ROBO1: variants seen among roughly 807,000 people sequenced by gnomAD.
ROBO1 encodes the protein roundabout homolog 1.
Under a neutral mutation model 195.9 loss-of-function variants are expected in ROBO1, and 149 were observed. The observed-to-expected ratio is 0.76, with a 90% confidence interval of 0.67 to 0.87. ROBO1 has a LOEUF of 0.87. Among genes scored for constraint, ROBO1 ranks in the 40% least tolerant of loss-of-function variants. The probability of loss-of-function intolerance (pLI) is 0.00; values close to 1 mark genes in which losing one functional copy is unlikely to be tolerated. For synonymous variants in ROBO1, 816 were observed against 733.2 expected, an observed-to-expected ratio of 1.11 and a Z score of -1.82; for missense variants, 1,933 against 2,068.3, an observed-to-expected ratio of 0.93 and a Z score of 1.27.
intron 5 of ROBO1, among the ~76,000 whole-genome samples, chr3:78,723,316 C>T (rs1162050361): frequency 6.6e-6 from 1 of 152,054 alleles, no homozygotes; most frequent in Non-Finnish European, 1.5e-5. Context: ...TATCATATAG[C>T]CTAGGAGTGT....
chr3:78,616,770 T>C (rs1174708943), intron 27 of ROBO1, among the ~76,000 whole-genome samples: 1 of 152,150 alleles, frequency 6.6e-6, no homozygotes, highest in Non-Finnish European at 1.5e-5. Flanking sequence ...AAAATATGTA[T>C]GGGAATGTAT....
chr3:79,584,268 AT>A (rs1943749359), intron 2 of ROBO1, among the ~76,000 whole-genome samples: 2 of 99,408 alleles, frequency 2.0e-5, no homozygotes, highest in Admixed American at 1.8e-4. Context: ...ATATATATAT[AT>A]ATATATATAT....
intron 2 of ROBO1, among the ~76,000 whole-genome samples, chr3:79,501,584 T>G (rs1465936625): frequency 6.6e-6 from 1 of 152,184 alleles, no homozygotes; most frequent in Non-Finnish European, 1.5e-5. Flanking sequence ...TTCAACAGGG[T>G]TGCCTCCCTA....
Position 78,987,114 on chromosome 3 carries a change from G to GA in ROBO1, c.173-48188dup, listed in dbSNP as rs1227554977. 2.9e-3 allele frequency among the ~76,000 whole-genome samples: 308 copies of GA among 105,656 alleles called. 3 individuals carry two copies. The highest frequency in any genetic ancestry group is 3.7e-3 in the Non-Finnish European group (200 of 54,352). The allele number at this position is 105,656 out of a possible 152,430, so 69.3% of individuals were successfully genotyped here. A position where few individuals can be genotyped will look rare whatever the true frequency, so the allele number is the denominator to read the frequency against. ...ACGAAGTACTCTAAGTTTCTGGAAG[G>GA]AAAAAAAAAAACTGCTTTTTTTTTT... On this transcript the variant is annotated intron_variant, in intron 3 of 30. Transcript: ENST00000464233.
chr3:79,391,553 C>G (rs972280343), intron 2 of ROBO1, among the ~76,000 whole-genome samples: 2 of 152,026 alleles, frequency 1.3e-5, no homozygotes, highest in African/African-American at 4.8e-5. Flanking sequence ...CCATCTCCAT[C>G]CCAACACTAT....
intron 4 of ROBO1, among the ~76,000 whole-genome samples, chr3:78,853,464 T>G (rs1017106644): frequency 8.9e-5 from 13 of 146,086 alleles, no homozygotes; most frequent in African/African-American, 1.6e-4. Context: ...ATGTGTGGGG[T>G]GTGTGTGTGT....
At chr3:79,470,074 T>G (rs532042102) in intron 2 of ROBO1, among the ~76,000 whole-genome samples, 21 of 152,280 alleles carry the variant, frequency 1.4e-4, no homozygotes, top group Admixed American at 5.9e-4. Flanking sequence ...GTTACATATG[T>G]ATACTAAATC....
chr3:78,765,368 T>TA (rs1160744033), intron 4 of ROBO1, among the ~76,000 whole-genome samples: 1 of 151,864 alleles, frequency 6.6e-6, no homozygotes, highest in African/African-American at 2.4e-5. Context: ...AAATATTTTT[T>TA]AAAAAAATAT....
At chr3:78,612,511 A>G (rs901940599) in intron 28 of ROBO1, among the ~76,000 whole-genome samples, 1 of 152,216 alleles carries the variant, frequency 6.6e-6, no homozygotes, top group Non-Finnish European at 1.5e-5. Context: ...TCTACGTCAT[A>G]ACCACTGCCA....
intron 4 of ROBO1, among the ~76,000 whole-genome samples, chr3:78,811,654 T>C (rs1033185): frequency 0.26 from 40,257 of 151,952 alleles, 5,518 homozygotes; most frequent in Non-Finnish European, 0.28. Context: ...ACACTCTATA[T>C]TCCAGGCCCA....
intron 2 of ROBO1, among the ~76,000 whole-genome samples, chr3:79,244,769 T>G (rs1559761019): frequency 6.6e-6 from 1 of 152,102 alleles, no homozygotes; most frequent in Non-Finnish European, 1.5e-5. Context: ...TGTATTTGAA[T>G]AAAATATTAC....
At chr3:78,830,630 G>C (rs1405438963) in intron 4 of ROBO1, among the ~76,000 whole-genome samples, 1 of 152,150 alleles carries the variant, frequency 6.6e-6, no homozygotes, top group East Asian at 1.9e-4. Flanking sequence ...ACTATCATGA[G>C]AGCAGGATTG....
intron 3 of ROBO1, among the ~76,000 whole-genome samples, chr3:79,094,552 TA>T (rs1438931654): frequency 6.6e-6 from 1 of 152,142 alleles, no homozygotes; most frequent in Non-Finnish European, 1.5e-5. Flanking sequence ...CAATGAAGAT[TA>T]AAAAATAATG....
At chr3:79,535,320 C>A (rs193076474) in intron 2 of ROBO1, among the ~76,000 whole-genome samples, 2 of 152,284 alleles carry the variant, frequency 1.3e-5, no homozygotes, top group African/African-American at 4.8e-5. Context: ...TTCCACAACA[C>A]TCTGCAGATG....
intron 3 of ROBO1, among the ~76,000 whole-genome samples, chr3:78,957,178 A>G (rs1394227187): frequency 2.0e-5 from 3 of 151,970 alleles, no homozygotes; most frequent in Non-Finnish European, 4.4e-5. Context: ...TTTTTGGGAA[A>G]ATATGGAGAA....
At chr3:78,696,738 A>AT (rs71965648) in intron 8 of ROBO1, among the ~76,000 whole-genome samples, 2 of 135,294 alleles carry the variant, frequency 1.5e-5, no homozygotes, top group African/African-American at 6.7e-5. Context: ...GTATATATAC[A>AT]TATATATATA....
intron 1 of ROBO1, among the ~76,000 whole-genome samples, chr3:79,761,204 C>T (rs1284909409): frequency 2.0e-5 from 3 of 148,530 alleles, no homozygotes; most frequent in African/African-American, 7.4e-5. Context: ...CACTATATTG[C>T]AATGAATATG....
intron 2 of ROBO1, among the ~76,000 whole-genome samples, chr3:79,135,038 TA>T (rs372948758): frequency 6.1e-5 from 9 of 148,578 alleles, no homozygotes; most frequent in South Asian, 2.1e-4. Flanking sequence ...TAGAGTATAA[TA>T]AAAAAAAACA....
At chr3:78,784,430 G>T (rs904352853) in intron 4 of ROBO1, among the ~76,000 whole-genome samples, 2 of 152,016 alleles carry the variant, frequency 1.3e-5, no homozygotes, top group South Asian at 2.1e-4. Flanking sequence ...AGTTCCATTG[G>T]GTATCAGTTC....
Sources: allele counts gnomAD v4.1 joint callset (sites outside exome capture counted in the v4.1 genomes callset), GRCh38; gene constraint gnomAD v4.1.1; transcripts MANE v1.5; gene names NCBI Gene and HGNC (gene_info 2026-07-23, HGNC 2026-07-21).